Variants in F5 observed in about 807,000 individuals in gnomAD.
F5 encodes the protein coagulation factor V.
Under a neutral mutation model 216.4 loss-of-function variants are expected in F5, and 138 were observed. The observed-to-expected ratio is 0.64, with a 90% CI of 0.56 to 0.73. The LOEUF (loss-of-function observed/expected upper bound fraction) is 0.73. Ranked by LOEUF, F5 falls within the 30% of genes least tolerant of loss-of-function variation. F5 has a pLI of 0.00. For synonymous variants in F5, 916 were observed against 930.7 expected, an observed-to-expected ratio of 0.98 and a Z score of 0.29; for missense variants, 2,403 against 2,674.0, an observed-to-expected ratio of 0.90 and a Z score of 2.24.
intron 2 of F5, 129 bp downstream of exon 2, chr1:169,582,302 A>C: frequency 1.9e-6 from 1 of 530,554 alleles, no homozygotes; most frequent in East Asian, 3.2e-5. Flanking sequence ...TTATGTAGCC[A>C]GTACTTCTTA....
At chr1:169,584,808 G>T (rs80040098) in intron 1 of F5, among the ~76,000 whole-genome samples, 1 of 152,302 alleles carries the variant, frequency 6.6e-6, no homozygotes, top group Non-Finnish European at 1.5e-5. Context: ...CTATGGTTTT[G>T]ACTCAACAAT....
Position 169,544,369 on chromosome 1 carries a change from T to C in F5, c.1902A>G (p.Gly634=). Reference sequence around the variant, plus strand: ...GGGTCAAGGTGTCCTCATGCCTCTTTCCATAGATGAATGAGTGCCCAGTGA... The same window carrying C: ...GGGTCAAGGTGTCCTCATGCCTCTTCCCATAGATGAATGAGTGCCCAGTGA... ...IHFTGHSFIY[G]KRHEDTLTLF... is the part of the protein sequence containing the mutation. Residue 634 remains glycine, a synonymous_variant, in exon 12 of 25, where the codon GGA becomes GGG. Transcript: ENST00000367797. 1.2e-6 allele frequency: 2 copies of C among 1,614,122 alleles called. No individual in the cohort carries two copies. The highest frequency in any genetic ancestry group is 1.7e-6 in the Non-Finnish European group (2 of 1,179,998).
chr1:169,527,115 T>A (rs1392478744), intron 17 of F5, among the ~76,000 whole-genome samples: 1 of 152,142 alleles, frequency 6.6e-6, no homozygotes, highest in Non-Finnish European at 1.5e-5. Flanking sequence ...GTGCAAACTA[T>A]AATTGCGGTT....
intron 2 of F5, 26 bp from the exon 3 acceptor site, chr1:169,572,369 G>A: frequency 1.2e-6 from 2 of 1,611,634 alleles, no homozygotes; most frequent in Non-Finnish European, 1.7e-6. Context: ...TTTAAACTAT[G>A]TCTGTATTCA....
Position 169,512,730 on chromosome 1 carries a change from G to A in F5, c.*1583C>T, listed in dbSNP as rs948743040. Among the ~76,000 whole-genome samples, 5 of 152,072 alleles carry A rather than the reference G, an allele frequency of 3.3e-5. No homozygotes were observed. The highest frequency in any genetic ancestry group is 7.4e-5 in the Non-Finnish European group (5 of 67,978). On this transcript the variant is annotated 3_prime_UTR_variant, in exon 25 of 25. Transcript: ENST00000367797. The stretch of plus-strand genomic sequence containing the variant: ...GGAATACGAATATTAGAAAGCCAAT[G>A]TTTTGTGGATGTTTGAAACTCTCAT...
chr1:169,575,042 A>C (rs182512091), intron 2 of F5, among the ~76,000 whole-genome samples: 1 of 152,192 alleles, frequency 6.6e-6, no homozygotes, highest in East Asian at 1.9e-4. Flanking sequence ...GATCACAAAA[A>C]CATTCAATTT....
In F5 at chr1:169,543,021, T is replaced by A. The variant is rs779227715; in HGVS notation, c.2069A>T (p.Glu690Val). ...AGGTTCAAAAATCTCATATGAGTCT[T>A]CATCATCATCTGGGATACATTTAAC... ...RDVKCIPDDD[E>V]DSYEIFEPPE... Residue 690 changes from glutamate (E) to valine (V), a missense_variant, in exon 13 of 25, where the codon GAA becomes GTA. By Grantham distance (121) the Glu-to-Val change is moderately radical. Coordinates refer to ENST00000367797, the MANE Select transcript of F5 (RefSeq NM_000130.5). The A allele has an allele frequency of 1.2e-6, 2 of 1,614,034 alleles. No individual in the cohort carries two copies. Among genetic ancestry groups the A allele is most frequent in the South Asian group, 2.2e-5 (2 of 91,074 alleles).
In F5 at chr1:169,525,496, G is replaced by A. The variant is rs1659425379; in HGVS notation, c.5716+405C>T. Among the ~76,000 whole-genome samples, 4 of 152,320 alleles carry A rather than the reference G, an allele frequency of 2.6e-5. No individual in the cohort carries two copies. The South Asian group carries it at 6.2e-4, about 24-fold the overall frequency. On this transcript the variant is annotated intron_variant, in intron 18 of 24. Coordinates refer to ENST00000367797, the MANE Select transcript of F5 (RefSeq NM_000130.5). ...AGTGCTTCATACTCAACAGTGCTTA[G>A]TAATGGCTTAAAGAATGGATGAACA... is the stretch of plus-strand genomic sequence containing the variant.
At chr1:169,572,699 G>C (rs1353143498) in intron 2 of F5, among the ~76,000 whole-genome samples, 1 of 152,180 alleles carries the variant, frequency 6.6e-6, no homozygotes, top group Non-Finnish European at 1.5e-5. Flanking sequence ...TGATGCGAGA[G>C]GGTAGTTACT....
Position 169,582,479 on chromosome 1 carries a change from C to G in F5, c.202G>C (p.Glu68Gln). 1 of 1,564,854 alleles carries G rather than the reference C, an allele frequency of 6.4e-7. No homozygotes were observed. The change falls in exon 2 of 25, where the codon GAG becomes CAG. Residue 68 changes from glutamate to glutamine, a missense_variant. This residue lies in a region of F5 where 1,425 missense variants were observed against 1,554.8 expected (regional missense o/e 0.92). Coordinates refer to ENST00000367797, the MANE Select transcript of F5 (RefSeq NM_000130.5). The part of the protein sequence containing the change: ...VTSFKKIVYR[E>Q]YEPYFKKEKP... ...TCTTTCTTAAAATATGGTTCATACT[C>G]TCTGTAGACAATTTTCTTAAAGGAA...
chr1:169,518,153 A>G (rs1025946446), intron 23 of F5, among the ~76,000 whole-genome samples: 1 of 152,206 alleles, frequency 6.6e-6, no homozygotes, highest in African/African-American at 2.4e-5. Flanking sequence ...CCCTTTGCAG[A>G]AAAATTAATT....
At chr1:169,574,265 A>G (rs546629066) in intron 2 of F5, among the ~76,000 whole-genome samples, 2 of 152,256 alleles carry the variant, frequency 1.3e-5, no homozygotes, top group Admixed American at 6.5e-5. Context: ...GAGTCTCTGC[A>G]TCAGAATCAC....
At chr1:169,536,062 G>A (rs1353240727) in intron 14 of F5, among the ~76,000 whole-genome samples, 1 of 152,094 alleles carries the variant, frequency 6.6e-6, no homozygotes, top group Non-Finnish European at 1.5e-5. Context: ...AGGGCATGGA[G>A]ACATCTTTAC....
At chr1:169,585,982 G>C (rs1393984339) in intron 1 of F5, among the ~76,000 whole-genome samples, 1 of 152,082 alleles carries the variant, frequency 6.6e-6, no homozygotes, top group Non-Finnish European at 1.5e-5. Context: ...AAATAAACTT[G>C]AAAAGAAGGT....
At chr1:169,523,130 G>T (rs556704253) in intron 21 of F5, 67 bp downstream of exon 21, 12 of 1,533,730 alleles carry the variant, frequency 7.8e-6, no homozygotes, top group South Asian at 2.2e-5. Flanking sequence ...TAATCATTAG[G>T]TATAGTCATA....
intron 5 of F5, 73 bp from the exon 6 acceptor site, chr1:169,556,940 C>T (rs538632090): frequency 3.7e-5 from 50 of 1,334,884 alleles, no homozygotes; most frequent in Non-Finnish European, 4.9e-5. Context: ...ATTCACTCAC[C>T]AAGTGTATTG....
intron 1 of F5, among the ~76,000 whole-genome samples, chr1:169,585,443 A>G (rs1661083084): frequency 6.6e-6 from 1 of 152,234 alleles, no homozygotes; most frequent in Admixed American, 6.5e-5. Context: ...CTAACTGGAA[A>G]TATTGAATAG....
chr1:169,570,630 T>G (rs1660701616), intron 3 of F5, among the ~76,000 whole-genome samples: 1 of 152,168 alleles, frequency 6.6e-6, no homozygotes, highest in Non-Finnish European at 1.5e-5. Flanking sequence ...ATTGACCTAT[T>G]ATCAGTCACT....
chr1:169,538,614 C>T lies in F5; in HGVS notation c.4796+1680G>A, dbSNP rs1290561612. On this transcript the variant is annotated intron_variant, in intron 13 of 24. Transcript: ENST00000367797. Reference sequence around the variant, plus strand: ...CAACAACAAAAAAACTGGGGTACACCCATATAATGGAATACATGCAATAAC... The same window carrying T: ...CAACAACAAAAAAACTGGGGTACACTCATATAATGGAATACATGCAATAAC... Among the ~76,000 whole-genome samples, 3 of 151,944 alleles carry T rather than the reference C, an allele frequency of 2.0e-5. No homozygotes were observed. In the East Asian group the frequency reaches 5.8e-4, roughly 29 times the overall value.
Sources: gnomAD v4.1 joint callset for allele counts (sites outside exome capture counted in the v4.1 genomes callset) on GRCh38, gnomAD v4.1.1 for gene constraint, gnomAD v4.1.1 regional missense constraint, MANE v1.5 for transcripts, NCBI Gene and HGNC (gene_info 2026-07-23, HGNC 2026-07-21) for gene names.